SCN9A: variants seen among roughly 807,000 people sequenced by gnomAD.
SCN9A encodes sodium voltage-gated channel alpha subunit 9.
Under a neutral mutation model 187.0 loss-of-function variants are expected in SCN9A, and 131 were observed. The observed-to-expected ratio is 0.70, with a 90% CI of 0.61 to 0.81. SCN9A has a LOEUF of 0.81. Among genes scored for constraint, SCN9A ranks in the 30% least tolerant of loss-of-function variants. SCN9A has a pLI of 0.00. For synonymous variants in SCN9A, 809 were observed against 808.6 expected (o/e 1.00, Z -0.01); for missense variants, 2,252 against 2,396.6 (o/e 0.94, Z 1.26).
intron 9 of SCN9A, among the ~76,000 whole-genome samples, chr2:166,289,540 T>G (rs1697946272): frequency 6.6e-6 from 1 of 152,174 alleles, no homozygotes; most frequent in Non-Finnish European, 1.5e-5. Context: ...TGCATAGTAT[T>G]CCATGGTGTA....
chr2:166,354,769 A>G (rs932380550), intron 1 of SCN9A, among the ~76,000 whole-genome samples: 1 of 152,170 alleles, frequency 6.6e-6, no homozygotes, highest in African/African-American at 2.4e-5. Context: ...TACTGAAAAG[A>G]TTTCATTTCC....
intron 21 of SCN9A, among the ~76,000 whole-genome samples, 176 bp from the exon 22 acceptor site, chr2:166,229,148 T>G (rs1694976661): frequency 6.6e-6 from 1 of 152,110 alleles, no homozygotes; most frequent in Non-Finnish European, 1.5e-5. Flanking sequence ...CTCAGCAGTG[T>G]GCCAAGCAAG....
intron 24 of SCN9A, among the ~76,000 whole-genome samples, chr2:166,218,767 A>G (rs573850686): frequency 6.6e-6 from 1 of 152,234 alleles, no homozygotes; most frequent in Non-Finnish European, 1.5e-5. Context: ...GAAACTATCA[A>G]CAGAGTAAGC....
At chr2:166,373,165 T>G (rs1345350960) in intron 1 of SCN9A, among the ~76,000 whole-genome samples, 1 of 152,150 alleles carries the variant, frequency 6.6e-6, no homozygotes, top group Non-Finnish European at 1.5e-5. Context: ...CAGGAGCACC[T>G]TAATGAGAAG....
chr2:166,279,544 T>A (rs1697383665), intron 14 of SCN9A, among the ~76,000 whole-genome samples: 1 of 152,164 alleles, frequency 6.6e-6, no homozygotes, highest in African/African-American at 2.4e-5. Context: ...ATTTTACTAA[T>A]TGGATCTTAT....
chr2:166,217,106 G>T (rs1008115960), intron 24 of SCN9A, among the ~76,000 whole-genome samples: 1 of 151,972 alleles, frequency 6.6e-6, no homozygotes, highest in Non-Finnish European at 1.5e-5. Context: ...ATAAACAATG[G>T]GGGAAAGGAC....
intron 1 of SCN9A, among the ~76,000 whole-genome samples, chr2:166,362,919 A>G (rs910064367): frequency 6.6e-6 from 1 of 151,930 alleles, no homozygotes; most frequent in Non-Finnish European, 1.5e-5. Flanking sequence ...TCCATATGTC[A>G]TATTTTCATG....
chr2:166,288,120 T>TATACACACAC (rs56738765), intron 10 of SCN9A, among the ~76,000 whole-genome samples: 1,498 of 135,408 alleles, frequency 0.011, 12 homozygotes, highest in Non-Finnish European at 0.014. Context: ...TATATATATA[T>TATACACACAC]ACACACACAT....
At chr2:166,324,633 T>C (rs1266516990) in intron 1 of SCN9A, among the ~76,000 whole-genome samples, 2 of 152,168 alleles carry the variant, frequency 1.3e-5, no homozygotes, top group African/African-American at 4.8e-5. Flanking sequence ...GATAACTCAT[T>C]GACAATGTGT....
intron 1 of SCN9A, among the ~76,000 whole-genome samples, chr2:166,325,395 A>G (rs1699338502): frequency 6.6e-6 from 1 of 152,168 alleles, no homozygotes; most frequent in Non-Finnish European, 1.5e-5. Context: ...TCTTAAAGTA[A>G]TCATGCCTGG....
intron 6 of SCN9A, among the ~76,000 whole-genome samples, chr2:166,303,647 C>A (rs1347741230): frequency 1.3e-5 from 2 of 152,032 alleles, no homozygotes; most frequent in African/African-American, 2.4e-5. Flanking sequence ...TATAGTGACA[C>A]CTTGTAATAA....
At position 166,198,764 on chromosome 2, in the gene SCN9A, CAT is replaced by C. The variant is rs778976900; in HGVS notation, c.5873_5874del (p.Tyr1958Ter). On this transcript the variant is annotated frameshift_variant, in exon 27 of 27. Transcript: ENST00000642356. LOFTEE classifies it high-confidence loss of function. The stretch of plus-strand genomic sequence containing the variant: ...TCTTTGTCTGGCTTTGTTACACTAT[CAT>C]ATGAAGGTGGAGAGGTGGTGGATGA... ...ATSSTTSPPS[Y>X]DSVTKPDKEK... 1.2e-5 allele frequency: 20 copies of C among 1,613,316 alleles called. No homozygotes were observed. The African/African-American group carries it at 2.4e-4, about 19-fold the overall frequency.
chr2:166,237,737 C>A (rs1695381700), intron 20 of SCN9A, among the ~76,000 whole-genome samples: 1 of 152,114 alleles, frequency 6.6e-6, no homozygotes, highest in East Asian at 1.9e-4. Flanking sequence ...TAATCTGTGT[C>A]TCTGCCCTTT....
chr2:166,324,548 G>A (rs774976082), intron 1 of SCN9A, among the ~76,000 whole-genome samples: 2 of 152,054 alleles, frequency 1.3e-5, no homozygotes, highest in African/African-American at 4.8e-5. Flanking sequence ...AATTTTTAAA[G>A]CATTCTCAAG....
At chr2:166,244,632 T>A (rs918483851) in intron 18 of SCN9A, among the ~76,000 whole-genome samples, 11 of 151,834 alleles carry the variant, frequency 7.2e-5, no homozygotes, top group African/African-American at 2.7e-4. Context: ...TCTCTCTGGA[T>A]TATTCTCTCT....
Position 166,218,950 on chromosome 2 carries a change from C to A in SCN9A, c.4398+7617G>T, listed in dbSNP as rs184451717. The stretch of plus-strand genomic sequence containing the variant: ...GAAAAGAAGACACACATGCAACAAA[C>A]AAGCATATGAAAAAAAGCTCAATGT... On this transcript the variant is annotated intron_variant, in intron 24 of 26. Coordinates refer to ENST00000642356, the MANE Select transcript of SCN9A (RefSeq NM_001365536.1). Among the ~76,000 whole-genome samples, 11 of 152,114 alleles carry A rather than the reference C, an allele frequency of 7.2e-5. No individual in the cohort carries two copies. In the East Asian group the frequency reaches 2.1e-3, roughly 29 times the overall value.
rs1208681182 is a variant in SCN9A at position 166,195,518 on chromosome 2, T to G, written c.*3154A>C. ...ATTTAGTTGGCCCTTCTTTCAGCACTTCTATTAACATTTCTCTGAAATAGC... is the reference window on the plus strand; with the variant it reads ...ATTTAGTTGGCCCTTCTTTCAGCACGTCTATTAACATTTCTCTGAAATAGC... On this transcript the variant is annotated 3_prime_UTR_variant, in exon 27 of 27. Transcript: ENST00000642356. The G allele has an allele frequency of 6.6e-6, 1 of 152,188 alleles. No homozygotes were observed. Among genetic ancestry groups the G allele is most frequent in the East Asian group, 1.9e-4 (1 of 5,196 alleles). The allele number at this position is 152,188 out of a possible 1,614,324, so 9.4% of individuals were successfully genotyped here.
intron 1 of SCN9A, among the ~76,000 whole-genome samples, chr2:166,346,025 A>G (rs1699892471): frequency 6.6e-6 from 1 of 152,202 alleles, no homozygotes. Context: ...AAGATGGAGA[A>G]GAATACCTTA....
At chr2:166,291,251 G>T (rs370578987) in intron 9 of SCN9A, among the ~76,000 whole-genome samples, 1 of 152,066 alleles carries the variant, frequency 6.6e-6, no homozygotes, top group East Asian at 1.9e-4. Flanking sequence ...AAATCAATGT[G>T]CAAAAATCAC....
Sources: gnomAD v4.1 joint callset for allele counts (sites outside exome capture counted in the v4.1 genomes callset) on GRCh38, gnomAD v4.1.1 for gene constraint, MANE v1.5 for transcripts, NCBI Gene and HGNC (gene_info 2026-07-23, HGNC 2026-07-21) for gene names.